Variants in MUC22 observed in about 807,000 individuals in gnomAD.
MUC22 encodes the protein mucin-22.
Under a neutral mutation model 40.3 loss-of-function variants are expected in MUC22, and 24 were observed. That is an observed-to-expected ratio of 0.60 (90% CI 0.43 to 0.84). The LOEUF is 0.84. Among genes scored for constraint, MUC22 ranks in the 40% least tolerant of loss-of-function variants. MUC22 has a pLI of 0.00. For synonymous variants in MUC22, 765 were observed against 844.5 expected (o/e 0.91, Z 1.63); for missense variants, 1,926 against 2,130.7 (o/e 0.90, Z 1.89).
exon 2 of MUC22, chr6:31,025,737 G>A: frequency 2.0e-6 from 3 of 1,529,070 alleles, no homozygotes; most frequent in Non-Finnish European, 2.6e-6. Context: ...CAGACTCAGG[G>A]ACTACTATAG....
chr6:31,025,910 C>T (rs1765256087), exon 2 of MUC22: 1 of 1,535,234 alleles, frequency 6.5e-7, no homozygotes, highest in African/African-American at 1.4e-5. Flanking sequence ...ACAACCTCCA[C>T]TGCAGGCTCT....
intron 1 of MUC22, among the ~76,000 whole-genome samples, chr6:31,012,031 G>T (rs1047400747): frequency 2.0e-5 from 3 of 152,150 alleles, no homozygotes; most frequent in African/African-American, 7.2e-5. Context: ...AGTGAATTGG[G>T]CTCCGTGTGA....
intron 1 of MUC22, among the ~76,000 whole-genome samples, chr6:31,014,619 A>C (rs530177914): frequency 2.6e-4 from 40 of 152,306 alleles, no homozygotes; most frequent in Non-Finnish European, 4.7e-4. Context: ...GGTAATGCTA[A>C]GCTGCTGTAA....
chr6:31,022,488 G>A (rs929257562), intron 1 of MUC22, among the ~76,000 whole-genome samples: 1 of 151,854 alleles, frequency 6.6e-6, no homozygotes, highest in African/African-American at 2.4e-5. Flanking sequence ...AAGTTCTTCA[G>A]GAAGAAAAAA....
chr6:31,022,546 T>C (rs59706670), intron 1 of MUC22, among the ~76,000 whole-genome samples: 1,512 of 147,580 alleles, frequency 0.01, 22 homozygotes, highest in African/African-American at 0.034. Context: ...ATGATAAATA[T>C]ATGGGTAAAA....
At chr6:31,030,046 C>A in exon 2 of MUC22, 1 of 1,535,592 alleles carries the variant, frequency 6.5e-7, no homozygotes, top group Non-Finnish European at 8.7e-7. Flanking sequence ...CACGTTTGTA[C>A]TCACCAAGGC....
chr6:31,027,391 G>T lies in MUC22; in HGVS notation c.1960G>T (p.Glu654Ter), dbSNP rs1765504845. ...CACTACAGTCTCCACCACAGGCTCT[G>T]AGACCACTACAGTTTCTATCACAGA... is the stretch of plus-strand genomic sequence containing the variant. The change falls in exon 2 of 4, where the codon GAG becomes TAG. Residue 654 changes from glutamate (E) to a stop codon, truncating the protein, a stop_gained. Coordinates refer to ENST00000561890, the Ensembl canonical transcript of MUC22. LOFTEE classifies it high-confidence loss of function. 1 of 1,533,820 alleles carries T rather than the reference G, an allele frequency of 6.5e-7. No homozygotes were observed. Among genetic ancestry groups the T allele is most frequent in the African/African-American group, 1.4e-5 (1 of 72,712 alleles).
At position 31,032,611 on chromosome 6, in the gene MUC22, G is replaced by A. The variant is rs11753401; in HGVS notation, c.5055+30G>A. 176,443 of 1,507,016 alleles carry A rather than the reference G, an allele frequency of 0.12. 11,405 individuals carry two copies. Among genetic ancestry groups the A allele is most frequent in the Middle Eastern group, 0.16 (923 of 5,818 alleles). The allele number at this position is 1,507,016 out of a possible 1,614,324, so 93.4% of individuals were successfully genotyped here. On this transcript the variant is annotated intron_variant, in intron 3 of 3. Coordinates refer to ENST00000561890, the Ensembl canonical transcript of MUC22. This position sits in a 1 kb window ranked among gnomAD's most constrained non-coding sequence, Gnocchi z 4.1. ...GTACCCAGGGTGGGTTCATAGGGGA[G>A]CCTGGCAAGAAGGCAGGGGGGAATC...
rs538302258 is a variant in MUC22, at chr6:31,021,863, G to A, written c.71-3639G>A. ...CTGCTTGGGTCGTTTTCCACACTGT[G>A]GAAACTTTGTTCTTTTGCTCTTTGC... is the stretch of plus-strand genomic sequence containing the variant. On this transcript the variant is annotated intron_variant, in intron 1 of 3. Coordinates refer to ENST00000561890, the Ensembl canonical transcript of MUC22. 6.6e-5 allele frequency among the ~76,000 whole-genome samples: 10 copies of A among 151,200 alleles called. No individual in the cohort carries two copies. In the South Asian group the frequency reaches 1.9e-3, roughly 29 times the overall value.
intron 1 of MUC22, among the ~76,000 whole-genome samples, chr6:31,013,250 C>T (rs1383521159): frequency 2.6e-5 from 4 of 151,768 alleles, no homozygotes; most frequent in Non-Finnish European, 5.9e-5. Flanking sequence ...CCTCAGCCTC[C>T]TGAGTAGCTG....
chr6:31,025,049 A>G (rs1765165487), intron 1 of MUC22, among the ~76,000 whole-genome samples: 1 of 151,864 alleles, frequency 6.6e-6, no homozygotes, highest in Non-Finnish European at 1.5e-5. Context: ...TTGTATTTTT[A>G]GTAGAGATGG....
chr6:31,007,823 A>T (rs189457125), upstream of MUC22, among the ~76,000 whole-genome samples: 18 of 152,288 alleles, frequency 1.2e-4, no homozygotes, highest in Non-Finnish European at 2.5e-4. The surrounding 1 kb of genome is among the most constrained non-coding windows in gnomAD (Gnocchi z 4.0). Context: ...CTTCCTAGTC[A>T]TCAGAACCCT....
At chr6:31,030,516 CA>C (rs372027490) in intron 2 of MUC22, among the ~76,000 whole-genome samples, 64 of 127,452 alleles carry the variant, frequency 5.0e-4, no homozygotes, top group East Asian at 1.5e-3. Context: ...GACTCCGTCT[CA>C]AAAAAAAAAA....
At chr6:31,025,536 C>G in exon 2 of MUC22, 1 of 1,517,684 alleles carries the variant, frequency 6.6e-7, no homozygotes, top group Non-Finnish European at 8.8e-7. Context: ...CAAAAGGCTC[C>G]GACACCACCA....
At chr6:31,027,648 T>C (rs1374120925) in exon 2 of MUC22, 1 of 1,529,898 alleles carries the variant, frequency 6.5e-7, no homozygotes, top group Admixed American at 2.0e-5. Flanking sequence ...CCACAGCCTC[T>C]AATACAGGCT....
chr6:31,026,723 C>T, exon 2 of MUC22: 1 of 1,505,914 alleles, frequency 6.6e-7, no homozygotes, highest in Non-Finnish European at 8.9e-7. Context: ...ACAGTCTTCA[C>T]TGCAGGCTCG....
At chr6:31,028,477 A>T (rs1765655227) in exon 2 of MUC22, 1 of 1,534,246 alleles carries the variant, frequency 6.5e-7, no homozygotes, top group Non-Finnish European at 8.7e-7. Flanking sequence ...TGAGACCACC[A>T]CAGCCTCTAC....
chr6:31,007,958 G>A (rs536379035), upstream of MUC22, among the ~76,000 whole-genome samples: 61 of 152,288 alleles, frequency 4.0e-4, no homozygotes, highest in African/African-American at 1.4e-3. This position sits in a 1 kb window ranked among gnomAD's most constrained non-coding sequence, Gnocchi z 4.0. Context: ...TCGTCCATCT[G>A]TTTTTCAAAT....
intron 3 of MUC22, among the ~76,000 whole-genome samples, chr6:31,033,348 G>C (rs1027037229): frequency 2.0e-5 from 3 of 152,032 alleles, no homozygotes; most frequent in Non-Finnish European, 1.5e-5. Flanking sequence ...GAGAAATAGA[G>C]AAAAGAAAGA....
Sources: allele counts gnomAD v4.1 joint callset (sites outside exome capture counted in the v4.1 genomes callset), GRCh38; gene constraint gnomAD v4.1.1; non-coding constraint Gnocchi (gnomAD v3.1); transcripts MANE v1.5; gene names NCBI Gene and HGNC (gene_info 2026-07-23, HGNC 2026-07-21).